DCP1B: variants seen among roughly 807,000 people sequenced by gnomAD.
DCP1B encodes the protein mRNA-decapping enzyme 1B.
Under a neutral mutation model 60.5 loss-of-function variants are expected in DCP1B, and 47 were observed. That is an observed-to-expected ratio of 0.78 (90% CI 0.61 to 0.99). DCP1B has a LOEUF of 0.99. DCP1B is among the 50% of genes least tolerant of loss of function. The probability of loss-of-function intolerance (pLI) is 0.00; values close to 1 mark genes in which losing one functional copy is unlikely to be tolerated. For missense variants in DCP1B, 725 were observed against 756.8 expected (o/e 0.96, Z 0.49); for synonymous variants, 267 against 280.3 (o/e 0.95, Z 0.47).
intron 3 of DCP1B, among the ~76,000 whole-genome samples, chr12:1,977,514 A>G (rs1374749095): frequency 6.6e-6 from 1 of 152,256 alleles, no homozygotes; most frequent in African/African-American, 2.4e-5. Context: ...ATTCTAGAAT[A>G]TAAGTGATTT....
chr12:1,988,987 T>A (rs2038617354), intron 3 of DCP1B, among the ~76,000 whole-genome samples: 1 of 152,218 alleles, frequency 6.6e-6, no homozygotes, highest in Non-Finnish European at 1.5e-5. Flanking sequence ...GATCTAAACT[T>A]CAGGTTTACA....
At chr12:1,980,362 G>A (rs972016717) in intron 3 of DCP1B, among the ~76,000 whole-genome samples, 3 of 152,020 alleles carry the variant, frequency 2.0e-5, no homozygotes, top group Non-Finnish European at 4.4e-5. Context: ...TGTGACTATT[G>A]GTATTTGTAT....
rs202169607 is a variant in DCP1B at position 1,952,910 on chromosome 12, G to A, written c.1030C>T (p.Arg344Cys). ...GTTCTGGAAGCATTTTGTACACCAC[G>A]AGAAGTTCCAATGTTGTGAGGAGAC... ...PGSPHNIGTSRGVQNASRTQN... is the reference protein window; with the variant it reads ...PGSPHNIGTSCGVQNASRTQN... The change falls in exon 7 of 9, where the codon CGT (arginine) becomes TGT (cysteine). Residue 344 changes from arginine (R) to cysteine (C), a missense_variant. By Grantham distance (180) the Arg-to-Cys change is radical. Coordinates refer to ENST00000280665, the MANE Select transcript of DCP1B (RefSeq NM_152640.5). 2.4e-5 allele frequency: 38 copies of A among 1,614,176 alleles called. No individual in the cohort carries two copies. Among genetic ancestry groups the A allele is most frequent in the Non-Finnish European group, 2.9e-5 (34 of 1,180,032 alleles).
chr12:1,970,971 C>T (rs2032030733), intron 3 of DCP1B: 4 of 767,594 alleles, frequency 5.2e-6, no homozygotes, highest in Non-Finnish European at 7.1e-6. Flanking sequence ...GCAGGAATAG[C>T]TTCTGGGTTT....
Position 1,953,088 on chromosome 12 carries a change from G to C in DCP1B, c.852C>G (p.Pro284=), listed in dbSNP as rs2030746550. The change falls in exon 7 of 9, where the codon CCC becomes CCG. Residue 284 remains proline, a synonymous_variant. Transcript: ENST00000280665. The part of the protein sequence containing the change: ...LSYEEPRRHS[P]PIEKQLCPAI... ...CTGGACAGAGCTGCTTCTCAATGGG[G>C]GGTGAGTGTCTTCTGGGTTCCTCAT... 6.2e-7 allele frequency: 1 copy of C among 1,613,958 alleles called. No homozygotes were observed. The highest frequency in any genetic ancestry group is 1.3e-5 in the African/African-American group (1 of 74,880).
intron 5 of DCP1B, among the ~76,000 whole-genome samples, chr12:1,958,175 A>G (rs1030480274): frequency 1.6e-4 from 21 of 132,068 alleles, no homozygotes; most frequent in South Asian, 2.6e-4. Flanking sequence ...CCTGGAAGGA[A>G]ACAGGGGAAA....
chr12:1,987,597 C>T (rs1253016968), intron 3 of DCP1B, among the ~76,000 whole-genome samples: 1 of 152,100 alleles, frequency 6.6e-6, no homozygotes, highest in African/African-American at 2.4e-5. Context: ...TATTTCTCAT[C>T]CAATTTTTCT....
chr12:1,944,872 G>A (rs1006106274), downstream of DCP1B, among the ~76,000 whole-genome samples: 1 of 152,224 alleles, frequency 6.6e-6, no homozygotes, highest in Non-Finnish European at 1.5e-5. Flanking sequence ...ACATAGGCAT[G>A]TGCAAAGACT....
Position 1,949,000 on chromosome 12 carries a change from G to C in DCP1B, c.1773+86C>G. 1 of 1,527,906 alleles carries C rather than the reference G, an allele frequency of 6.5e-7. No homozygotes were observed. Among genetic ancestry groups the C allele is most frequent in the Non-Finnish European group, 8.9e-7 (1 of 1,121,874 alleles). The allele number at this position is 1,527,906 out of a possible 1,614,324, so 94.6% of individuals were successfully genotyped here. A position where few individuals can be genotyped will look rare whatever the true frequency, so the allele number is the denominator to read the frequency against. ...TGTTATTCTCACGGAAGCTAAGCAG[G>C]CCTTGGCTGAGTCTTTATCTCATAG... On this transcript the variant is annotated intron_variant, in intron 8 of 8. Transcript: ENST00000280665. This position sits in a 1 kb window ranked among gnomAD's most constrained non-coding sequence, Gnocchi z 4.8.
chr12:2,002,284 G>T (rs938063671), intron 1 of DCP1B, among the ~76,000 whole-genome samples: 1 of 151,980 alleles, frequency 6.6e-6, no homozygotes, highest in African/African-American at 2.4e-5. Context: ...ACATTCAAAC[G>T]GCTCCCATCC....
chr12:1,995,348 A>T (rs1299508885), intron 2 of DCP1B, among the ~76,000 whole-genome samples: 3 of 152,264 alleles, frequency 2.0e-5, no homozygotes, highest in Non-Finnish European at 2.9e-5. Flanking sequence ...TGTGCATGGC[A>T]CATAGTACAG....
chr12:2,004,194 C>T, intron 1 of DCP1B, 88 bp downstream of exon 1: 1 of 1,559,516 alleles, frequency 6.4e-7, no homozygotes. Context: ...CGTCTCCTCC[C>T]CCTCACCGGG....
chr12:1,958,329 C>T (rs749778204), intron 5 of DCP1B, among the ~76,000 whole-genome samples: 6 of 143,562 alleles, frequency 4.2e-5, no homozygotes, highest in Non-Finnish European at 6.1e-5. Flanking sequence ...TCCCTAACGT[C>T]GCTCTGGGCA....
rs116094704 is a variant in DCP1B, at chr12:1,965,717, C to T, written c.387-24G>A. 1.3e-6 allele frequency: 2 copies of T among 1,590,008 alleles called. No homozygotes were observed. The highest frequency in any genetic ancestry group is 2.7e-5 in the African/African-American group (2 of 73,400). On this transcript the variant is annotated intron_variant, in intron 4 of 8. Coordinates refer to ENST00000280665, the MANE Select transcript of DCP1B (RefSeq NM_152640.5). ...GGCTAGAAAAACAGAGGGGAAAATC[C>T]ACACAAGAAAAGCCAATTCAACACA...
At chr12:1,963,119 C>T (rs1177518309) in intron 5 of DCP1B, among the ~76,000 whole-genome samples, 1 of 152,220 alleles carries the variant, frequency 6.6e-6, no homozygotes, top group African/African-American at 2.4e-5. Flanking sequence ...TGGTGCTGTA[C>T]ATTTGACATC....
At chr12:1,965,760 T>C (rs2031274033) in intron 4 of DCP1B, 67 bp from the exon 5 acceptor site, 1 of 1,505,434 alleles carries the variant, frequency 6.6e-7, no homozygotes, top group Non-Finnish European at 8.9e-7. Flanking sequence ...TTTAAAACCA[T>C]CCCAATTCTC....
chr12:1,964,530 T>C (rs1434567181), intron 5 of DCP1B, among the ~76,000 whole-genome samples: 1 of 152,204 alleles, frequency 6.6e-6, no homozygotes, highest in Non-Finnish European at 1.5e-5. Context: ...CCATACAAAT[T>C]TTCTTCTGGT....
chr12:2,002,194 C>T (rs748528995), intron 1 of DCP1B, among the ~76,000 whole-genome samples: 1 of 152,150 alleles, frequency 6.6e-6, no homozygotes, highest in Non-Finnish European at 1.5e-5. Context: ...TAAGAATTCC[C>T]CTCCTTAAGA....
intron 3 of DCP1B, chr12:1,991,357 C>A (rs1237454313): frequency 2.4e-6 from 1 of 412,894 alleles, no homozygotes; most frequent in Non-Finnish European, 4.8e-6. Flanking sequence ...ATATGAAAAA[C>A]AAATTAAAAT....
Sources: allele counts gnomAD v4.1 joint callset (sites outside exome capture counted in the v4.1 genomes callset), GRCh38; gene constraint gnomAD v4.1.1; non-coding constraint Gnocchi (gnomAD v3.1); transcripts MANE v1.5; gene names NCBI Gene and HGNC (gene_info 2026-07-23, HGNC 2026-07-21).